RNF130: variants seen among roughly 807,000 people sequenced by gnomAD.
The protein encoded by RNF130 is E3 ubiquitin-protein ligase RNF130.
In RNF130, 21 loss-of-function variants were observed where a neutral mutation model predicts 44.6. The observed-to-expected ratio is 0.47, with a 90% confidence interval of 0.33 to 0.68. The LOEUF (loss-of-function observed/expected upper bound fraction) is 0.68, where lower values mean the gene tolerates loss of function less well. Among genes scored for constraint, RNF130 ranks in the 30% least tolerant of loss-of-function variants. The pLI is 0.02. For synonymous variants in RNF130, 214 were observed against 210.4 expected (o/e 1.02, Z -0.15); for missense variants, 479 against 560.6 (o/e 0.85, Z 1.47).
At chr5:179,963,633 C>T (rs1164899310) in intron 7 of RNF130, 69 bp from the exon 8 acceptor site, 1 of 1,085,610 alleles carries the variant, frequency 9.2e-7, no homozygotes, top group Non-Finnish European at 1.4e-6. Context: ...GCCAACATTT[C>T]CCTCAAATGC....
At chr5:179,919,626 CT>C (rs1033959993) in exon 8 of RNF130, 2 of 152,488 alleles carry the variant, frequency 1.3e-5, no homozygotes, top group African/African-American at 4.8e-5. Context: ...TTCGTGCTGA[CT>C]TAAACACTTG....
Position 179,977,800 on chromosome 5 carries a change from C to T in RNF130, c.848+403G>A, listed in dbSNP as rs1174805428. On this transcript the variant is annotated intron_variant, in intron 5 of 8. Transcript: ENST00000521389. This position sits in a 1 kb window ranked among gnomAD's most constrained non-coding sequence, Gnocchi z 4.1. ...CCAGGAGGCGGAGCTTGCAGTGAGC[C>T]GAGATTGCGCCACTGCACACTCCAG... Among the ~76,000 whole-genome samples the T allele has an allele frequency of 2.6e-5, 4 of 152,098 alleles. No individual in the cohort carries two copies. The highest frequency in any genetic ancestry group is 4.8e-5 in the African/African-American group (2 of 41,404).
rs79150913 is a variant in RNF130 at position 179,964,902 on chromosome 5, C to T, written c.1151-1338G>A. Among the ~76,000 whole-genome samples, 945 of 152,240 alleles carry T rather than the reference C, an allele frequency of 6.2e-3. 6 individuals are homozygous for T. Among genetic ancestry groups the T allele is most frequent in the Middle Eastern group, 0.037 (11 of 294 alleles). Reference sequence around the variant, plus strand: ...TTTTTATTTAATCAGCATGAACATTCAAAAACACATATAAAACCCACCATT... The same window carrying T: ...TTTTTATTTAATCAGCATGAACATTTAAAAACACATATAAAACCCACCATT... On this transcript the variant is annotated intron_variant, in intron 7 of 8. Coordinates refer to ENST00000521389, the MANE Select transcript of RNF130 (RefSeq NM_018434.6).
At chr5:180,068,816 T>C (rs1002667747) in intron 1 of RNF130, among the ~76,000 whole-genome samples, 1 of 152,210 alleles carries the variant, frequency 6.6e-6, no homozygotes, top group Non-Finnish European at 1.5e-5. Context: ...ATTTCACGTA[T>C]TGGCCACAGC....
intron 7 of RNF130, among the ~76,000 whole-genome samples, chr5:179,932,698 C>T (rs1379251298): frequency 6.6e-6 from 1 of 151,764 alleles, no homozygotes; most frequent in Non-Finnish European, 1.5e-5. Flanking sequence ...ATTAGCCAGG[C>T]GTGGTGGCAC....
chr5:180,000,906 A>G (rs1763319394), intron 3 of RNF130, among the ~76,000 whole-genome samples: 1 of 152,196 alleles, frequency 6.6e-6, no homozygotes, highest in Non-Finnish European at 1.5e-5. Flanking sequence ...TTACTAGGGA[A>G]TTACGTTCCT....
chr5:180,036,648 T>C (rs1383197940), intron 2 of RNF130, among the ~76,000 whole-genome samples: 1 of 152,262 alleles, frequency 6.6e-6, no homozygotes, highest in Non-Finnish European at 1.5e-5. Flanking sequence ...TGTCCAGTTT[T>C]ATAGTTGCTT....
chr5:180,052,947 G>T (rs1317991153), intron 1 of RNF130, among the ~76,000 whole-genome samples: 1 of 152,132 alleles, frequency 6.6e-6, no homozygotes, highest in Non-Finnish European at 1.5e-5. Flanking sequence ...GTTGAGGCAG[G>T]TCTCAAGATT....
At chr5:179,963,764 G>C in intron 7 of RNF130, 200 bp from the exon 8 acceptor site, 1 of 576,474 alleles carries the variant, frequency 1.7e-6, no homozygotes, top group Non-Finnish European at 3.1e-6. Flanking sequence ...AGCTGCAAGG[G>C]AGAAAGGAAA....
rs777152577 is a variant in RNF130 at position 179,980,149 on chromosome 5, T to C, written c.745A>G (p.Thr249Ala). 6.2e-6 allele frequency: 10 copies of C among 1,614,162 alleles called. No homozygotes were observed. In the South Asian group the frequency reaches 9.9e-5, roughly 16 times the overall value. The change falls in exon 4 of 9, where the codon ACA (threonine) becomes GCA (alanine). Residue 249 changes from threonine (T) to alanine (A), a missense_variant. Coordinates refer to ENST00000521389, the MANE Select transcript of RNF130 (RefSeq NM_018434.6). ...TGTACCTTGTCACCCTTCTTTACTG[T>C]CCTGGTTGTCAATTTACTGATGGCT... ...KKAISKLTTR[T>A]VKKGDKETDP...
chr5:179,935,532 G>GTA (rs1243306234), intron 7 of RNF130, among the ~76,000 whole-genome samples: 8 of 151,790 alleles, frequency 5.3e-5, no homozygotes, highest in African/African-American at 1.2e-4. Flanking sequence ...GTGTGTGTGT[G>GTA]TATACATTTT....
At chr5:180,069,085 G>T (rs1765182334) in intron 1 of RNF130, among the ~76,000 whole-genome samples, 1 of 152,158 alleles carries the variant, frequency 6.6e-6, no homozygotes, top group African/African-American at 2.4e-5. Flanking sequence ...AATTTTAACA[G>T]ATTTATATCA....
chr5:180,012,914 T>G, intron 3 of RNF130, 147 bp downstream of exon 3: 1 of 866,810 alleles, frequency 1.2e-6, no homozygotes, highest in Non-Finnish European at 1.8e-6. Flanking sequence ...TAAATACTCA[T>G]GTAGACGTTT....
chr5:179,991,258 A>T, intron 3 of RNF130, among the ~76,000 whole-genome samples: 1 of 152,156 alleles, frequency 6.6e-6, no homozygotes, highest in East Asian at 1.9e-4. Context: ...ACTGACTTTA[A>T]GCAATCTGAT....
At chr5:180,019,245 G>T (rs1056458079) in intron 2 of RNF130, among the ~76,000 whole-genome samples, 4 of 151,972 alleles carry the variant, frequency 2.6e-5, no homozygotes, top group Non-Finnish European at 5.9e-5. Context: ...TTAGCCGGGC[G>T]TGGTGGCGGG....
intron 8 of RNF130, among the ~76,000 whole-genome samples, chr5:179,957,159 C>T (rs1380899244): frequency 1.3e-5 from 2 of 152,200 alleles, no homozygotes; most frequent in Non-Finnish European, 1.5e-5. Flanking sequence ...CGCCTGTAAT[C>T]CCAGCACTTT....
chr5:180,045,033 C>T (rs1364387909), intron 1 of RNF130, among the ~76,000 whole-genome samples: 2 of 152,098 alleles, frequency 1.3e-5, no homozygotes, highest in African/African-American at 4.8e-5. Context: ...GAGGTGGATA[C>T]GCAAGTTGCC....
intron 3 of RNF130, among the ~76,000 whole-genome samples, chr5:179,991,315 T>A (rs1763077498): frequency 6.6e-6 from 1 of 152,248 alleles, no homozygotes; most frequent in South Asian, 2.1e-4. Context: ...TGACTATATG[T>A]CATGGTGAAG....
At position 180,040,446 on chromosome 5, in the gene RNF130, T is replaced by C. The variant is rs781202858; in HGVS notation, c.442+7A>G. On this transcript the variant is annotated splice_region_variant and intron_variant, in intron 2 of 8. Transcript: ENST00000521389. The stretch of plus-strand genomic sequence containing the variant: ...AAACAAAATCAACAACCCTCATTTT[T>C]GTTTACCTGGATGAGTCATGGTAAC... 1.2e-6 allele frequency: 2 copies of C among 1,603,496 alleles called. No homozygotes were observed. Among genetic ancestry groups the C allele is most frequent in the East Asian group, 2.2e-5 (1 of 44,680 alleles).
Sources: gnomAD v4.1 joint callset for allele counts (sites outside exome capture counted in the v4.1 genomes callset) on GRCh38, gnomAD v4.1.1 for gene constraint, Gnocchi (gnomAD v3.1) non-coding constraint, MANE v1.5 for transcripts, NCBI Gene and HGNC (gene_info 2026-07-23, HGNC 2026-07-21) for gene names.